The following LAMA3 variants were observed in gnomAD, a reference collection of about 807,000 sequenced individuals.
LAMA3 encodes the protein laminin subunit alpha-3.
Under a neutral mutation model 402.0 loss-of-function variants are expected in LAMA3, and 281 were observed. The observed-to-expected ratio is 0.70, with a 90% CI of 0.63 to 0.77. The LOEUF (loss-of-function observed/expected upper bound fraction) is 0.77. Among genes scored for constraint, LAMA3 ranks in the 30% least tolerant of loss-of-function variants. The pLI, the probability that LAMA3 is intolerant of heterozygous loss-of-function variation, is 0.00. For synonymous variants in LAMA3, 1,431 were observed against 1,558.4 expected (o/e 0.92, Z 1.93); for missense variants, 3,840 against 4,215.5 (o/e 0.91, Z 2.47).
chr18:23,702,647 G>C (rs939894886), intron 1 of LAMA3, among the ~76,000 whole-genome samples: 47 of 152,300 alleles, frequency 3.1e-4, no homozygotes, highest in African/African-American at 1.1e-3. Context: ...CTCCTTACCT[G>C]GTTGTGTCTG....
intron 66 of LAMA3, among the ~76,000 whole-genome samples, chr18:23,932,953 A>G (rs1170590835): frequency 6.6e-6 from 1 of 152,178 alleles, no homozygotes; most frequent in Non-Finnish European, 1.5e-5. Flanking sequence ...TTGATGAAAC[A>G]TCTTCCTTGA....
intron 8 of LAMA3, among the ~76,000 whole-genome samples, chr18:23,770,126 T>C (rs1397989679): frequency 6.6e-6 from 1 of 152,144 alleles, no homozygotes; most frequent in Non-Finnish European, 1.5e-5. Context: ...GAGGGAAAAA[T>C]AGACAATTCT....
chr18:23,732,672 GC>G (rs1469100180), intron 2 of LAMA3, among the ~76,000 whole-genome samples: 6 of 152,030 alleles, frequency 3.9e-5, no homozygotes, highest in Admixed American at 2.0e-4. Flanking sequence ...GAAGCTAATT[GC>G]TTAAGAGCAC....
chr18:23,938,976 A>C lies in LAMA3; in HGVS notation c.8863-247A>C, dbSNP rs137909936. ...TAGGGCATTGAAGGGGATTACGAGG[A>C]TCTGGCTTCGGGAAAGGTTAAAGAG... On this transcript the variant is annotated intron_variant, in intron 67 of 74. Transcript: ENST00000313654. 2.0e-5 allele frequency among the ~76,000 whole-genome samples: 3 copies of C among 152,230 alleles called. No individual in the cohort carries two copies. The East Asian group carries it at 5.8e-4, about 29-fold the overall frequency.
chr18:23,939,240 A>G lies in LAMA3; in HGVS notation c.8880A>G (p.Pro2960=), dbSNP rs1422890401. 1 of 1,614,120 alleles carries G rather than the reference A, an allele frequency of 6.2e-7. No individual in the cohort carries two copies. Among genetic ancestry groups the G allele is most frequent in the Admixed American group, 1.7e-5 (1 of 60,032 alleles). The stretch of plus-strand genomic sequence containing the variant: ...CCATGCAGCTGTTGCAGGACACACC[A>G]GTGGCCTCCCCAAGGAGCGTGAAGG... ...FRINQLLQDT[P]VASPRSVKVW... The change falls in exon 68 of 75, where the codon CCA becomes CCG. Residue 2960 remains proline, a synonymous_variant. Coordinates refer to ENST00000313654, the MANE Select transcript of LAMA3 (RefSeq NM_198129.4).
chr18:23,747,858 C>T (rs1323884399), intron 2 of LAMA3, 85 bp from the exon 3 acceptor site: 1 of 844,890 alleles, frequency 1.2e-6, no homozygotes, highest in African/African-American at 1.7e-5. Flanking sequence ...GACGTGTTGC[C>T]TTGGGAATCA....
chr18:23,949,806 T>C lies in LAMA3; in HGVS notation c.9393T>C (p.Phe3131=). 1 of 1,614,100 alleles carries C rather than the reference T, an allele frequency of 6.2e-7. No individual in the cohort carries two copies. The change falls in exon 71 of 75, where the codon TTT becomes TTC. Residue 3131 remains phenylalanine, a synonymous_variant. Transcript: ENST00000313654. ...GCTTTGTGGGATGCCTGAAGAACTT[T>C]CAGCTGGATTCAAAACCCTTGTATA... ...TNSFVGCLKN[F]QLDSKPLYTP...
chr18:23,827,502 A>T (rs750618947), intron 23 of LAMA3, 35 bp downstream of exon 23: 5 of 1,608,190 alleles, frequency 3.1e-6, no homozygotes, highest in Non-Finnish European at 4.2e-6. Context: ...CAAAGTTATT[A>T]CTACCTCCCC....
At chr18:23,782,406 A>G (rs1346793096) in intron 11 of LAMA3, among the ~76,000 whole-genome samples, 1 of 152,130 alleles carries the variant, frequency 6.6e-6, no homozygotes, top group South Asian at 2.1e-4. Flanking sequence ...AAATACAAAA[A>G]TTAGTCAGAT....
At chr18:23,919,368 A>T (rs980234953) in intron 60 of LAMA3, among the ~76,000 whole-genome samples, 2 of 152,248 alleles carry the variant, frequency 1.3e-5, no homozygotes, top group African/African-American at 2.4e-5. Flanking sequence ...GAAGTAGCTG[A>T]TTCAAGTATA....
chr18:23,883,743 C>T lies in LAMA3; in HGVS notation c.5223-1030C>T, dbSNP rs559717237. On this transcript the variant is annotated intron_variant, in intron 40 of 74. Transcript: ENST00000313654. ...AGAAGCTGGCAAAAGTAGAAAGCAG[C>T]GAGATTTCCACTGGGGTGCTTGGAA... 2.6e-5 allele frequency among the ~76,000 whole-genome samples: 4 copies of T among 152,232 alleles called. No individual in the cohort carries two copies. The East Asian group carries it at 5.8e-4, about 22-fold the overall frequency.
At position 23,909,165 on chromosome 18, in the gene LAMA3, C is replaced by T; in HGVS notation, c.7028C>T (p.Thr2343Ile). The T allele has an allele frequency of 6.2e-7, 1 of 1,613,918 alleles. No homozygotes were observed. Among genetic ancestry groups the T allele is most frequent in the Non-Finnish European group, 8.5e-7 (1 of 1,179,910 alleles). ...TDADNSVNKLTNKLPDLWRKI... is the reference protein window; with the variant it reads ...TDADNSVNKLINKLPDLWRKI... The stretch of plus-strand genomic sequence containing the variant: ...TTCTCACCAACAGTGAATAAGTTAA[C>T]CAACAAACTACCTGATCTTTGGCGC... The change falls in exon 55 of 75, where the codon ACC (threonine) becomes ATC (isoleucine). Residue 2343 changes from threonine to isoleucine, a missense_variant. Thr to Ile is a moderately conservative substitution (Grantham distance 89). Around this residue, in one of 3 missense-constraint regions of LAMA3, gnomAD observed 891 missense variants for 857.5 expected, o/e 1.04. Coordinates refer to ENST00000313654, the MANE Select transcript of LAMA3 (RefSeq NM_198129.4).
At chr18:23,792,990 A>T (rs2062689684) in intron 12 of LAMA3, among the ~76,000 whole-genome samples, 1 of 152,086 alleles carries the variant, frequency 6.6e-6, no homozygotes, top group African/African-American at 2.4e-5. Context: ...CAGTTCCCAG[A>T]GGAGGGGCAG....
intron 18 of LAMA3, 93 bp downstream of exon 18, chr18:23,816,580 C>A: frequency 9.5e-7 from 1 of 1,055,872 alleles, no homozygotes; most frequent in Non-Finnish European, 1.4e-6. Flanking sequence ...AAGAGAGAAG[C>A]AGCCCTAAAG....
chr18:23,949,690 T>C, intron 70 of LAMA3, 75 bp from the exon 71 acceptor site: 3 of 1,421,336 alleles, frequency 2.1e-6, no homozygotes, highest in South Asian at 2.3e-5. Context: ...CAAGCTGCAG[T>C]GCCCTTCGCC....
In LAMA3 at chr18:23,847,618, C is replaced by T. The variant is rs748459258; in HGVS notation, c.4086C>T (p.Gly1362=). 6.2e-7 allele frequency: 1 copy of T among 1,614,072 alleles called. No individual in the cohort carries two copies. The highest frequency in any genetic ancestry group is 1.1e-5 in the South Asian group (1 of 91,078). The stretch of plus-strand genomic sequence containing the variant: ...AAGGCTGCAACTGTTCCAGGAGGGG[C>T]ACCATCGAGGCTGCCATGCCGGAGT... The part of the protein sequence containing the change: ...GCEGCNCSRR[G]TIEAAMPECD... The change falls in exon 32 of 75, where the codon GGC becomes GGT. Residue 1362 remains glycine, a synonymous_variant. Transcript: ENST00000313654.
intron 41 of LAMA3, among the ~76,000 whole-genome samples, chr18:23,888,010 G>A (rs965608082): frequency 6.6e-6 from 1 of 152,206 alleles, no homozygotes; most frequent in African/African-American, 2.4e-5. Flanking sequence ...GAATATTTCT[G>A]TGATTTAAAT....
intron 36 of LAMA3, among the ~76,000 whole-genome samples, chr18:23,866,418 G>A (rs558376641): frequency 6.6e-6 from 1 of 152,154 alleles, no homozygotes; most frequent in Non-Finnish European, 1.5e-5. Flanking sequence ...TTGTGTTCAG[G>A]CACTGCTGTG....
chr18:23,937,054 C>T (rs549188464), intron 67 of LAMA3, among the ~76,000 whole-genome samples: 3 of 152,040 alleles, frequency 2.0e-5, no homozygotes, highest in South Asian at 4.1e-4. Context: ...GGCAAGCTAC[C>T]GTAATCATCT....
Sources: allele counts gnomAD v4.1 joint callset (sites outside exome capture counted in the v4.1 genomes callset), GRCh38; gene constraint gnomAD v4.1.1; regional missense constraint gnomAD v4.1.1; transcripts MANE v1.5; gene names NCBI Gene and HGNC (gene_info 2026-07-23, HGNC 2026-07-21).